Variants in CSMD1 observed in about 807,000 individuals in gnomAD.
CSMD1 encodes the protein CUB and sushi domain-containing protein 1.
A neutral mutation model predicts 417.5 loss-of-function variants in CSMD1; 213 were observed. That is an observed-to-expected ratio of 0.51 (90% confidence interval 0.46 to 0.57). The LOEUF is 0.57. Among genes scored for constraint, CSMD1 ranks in the 20% least tolerant of loss-of-function variants. The pLI is 0.00. For missense variants in CSMD1, 6,923 were observed against 4,529.7 expected (o/e 1.53, Z -15.17); for synonymous variants, 2,862 against 1,736.8 (o/e 1.65, Z -16.11).
intron 1 of CSMD1, among the ~76,000 whole-genome samples, chr8:4,803,338 G>A (rs373123849): frequency 6.6e-5 from 10 of 152,168 alleles, no homozygotes; most frequent in African/African-American, 1.4e-4. Flanking sequence ...ATAAGCCTTC[G>A]AAATATAAAA....
chr8:4,442,958 C>G (rs890225434), intron 2 of CSMD1, among the ~76,000 whole-genome samples: 2 of 152,060 alleles, frequency 1.3e-5, no homozygotes, highest in Admixed American at 6.6e-5. Context: ...TCTACAGCAC[C>G]ACAGGTATCT....
chr8:4,957,186 C>T (rs969210080), intron 1 of CSMD1, among the ~76,000 whole-genome samples: 1 of 152,186 alleles, frequency 6.6e-6, no homozygotes, highest in African/African-American at 2.4e-5. Flanking sequence ...AAACACTGAC[C>T]TGTAGACCTA....
intron 1 of CSMD1, among the ~76,000 whole-genome samples, chr8:4,961,668 T>C (rs1265798655): frequency 2.0e-5 from 3 of 152,148 alleles, no homozygotes; most frequent in East Asian, 1.9e-4. Flanking sequence ...CTACAAGTTG[T>C]ATAGAGTAAT....
intron 5 of CSMD1, among the ~76,000 whole-genome samples, chr8:3,759,765 A>G (rs904737637): frequency 1.1e-4 from 16 of 149,860 alleles, no homozygotes; most frequent in Non-Finnish European, 2.1e-4. Flanking sequence ...AAAATTAGCC[A>G]GACATGGTGG....
At chr8:3,561,927 T>C (rs7816336) in intron 10 of CSMD1, among the ~76,000 whole-genome samples, 122,200 of 151,956 alleles carry the variant, frequency 0.8, 49,822 homozygotes, top group Middle Eastern at 0.88. Context: ...AAGCGAGGGA[T>C]GCAGATGATC....
chr8:4,946,978 A>C (rs1808412509), intron 1 of CSMD1, among the ~76,000 whole-genome samples: 1 of 152,244 alleles, frequency 6.6e-6, no homozygotes, highest in South Asian at 2.1e-4. Flanking sequence ...TTGAGGAGTC[A>C]GTAATCAATG....
intron 17 of CSMD1, among the ~76,000 whole-genome samples, chr8:3,393,589 C>T (rs1010006528): frequency 3.3e-5 from 5 of 151,946 alleles, no homozygotes; most frequent in East Asian, 1.9e-4. Context: ...GGAAACAACC[C>T]AAATGCCTAA....
chr8:4,899,053 C>T (rs1804691059), intron 1 of CSMD1, among the ~76,000 whole-genome samples: 1 of 152,086 alleles, frequency 6.6e-6, no homozygotes. Flanking sequence ...ACAGCTTGAT[C>T]ATTTAAAATG....
At chr8:4,117,909 A>C (rs182120810) in intron 3 of CSMD1, among the ~76,000 whole-genome samples, 1 of 150,240 alleles carries the variant, frequency 6.7e-6, no homozygotes, top group Admixed American at 6.7e-5. Context: ...ATTTAAAACT[A>C]GAGAAAGAAA....
chr8:3,179,227 G>A (rs919604022), intron 37 of CSMD1, among the ~76,000 whole-genome samples: 16 of 152,156 alleles, frequency 1.1e-4, no homozygotes, highest in East Asian at 3.9e-4. Flanking sequence ...TTACAGGCGT[G>A]AGCCACCGCG....
At chr8:3,541,780 G>C (rs28455993) in intron 10 of CSMD1, among the ~76,000 whole-genome samples, 5,980 of 150,666 alleles carry the variant, frequency 0.04, 348 homozygotes, top group African/African-American at 0.12. Flanking sequence ...AACTACAGCT[G>C]TTCTTTTTAA....
At chr8:3,602,157 G>A (rs902596348) in intron 8 of CSMD1, among the ~76,000 whole-genome samples, 3 of 152,140 alleles carry the variant, frequency 2.0e-5, no homozygotes, top group Non-Finnish European at 2.9e-5. Context: ...TATATTATGT[G>A]GATTTTATCA....
At chr8:4,394,007 T>C (rs985351801) in intron 3 of CSMD1, among the ~76,000 whole-genome samples, 1 of 152,220 alleles carries the variant, frequency 6.6e-6, no homozygotes, top group African/African-American at 2.4e-5. Flanking sequence ...AACACATATA[T>C]AGCATGGCTG....
At chr8:3,099,506 C>T (rs1181690701) in intron 46 of CSMD1, among the ~76,000 whole-genome samples, 4 of 152,158 alleles carry the variant, frequency 2.6e-5, no homozygotes, top group Admixed American at 6.5e-5. Context: ...TACCAGAGGG[C>T]GTTTCATTTT....
In CSMD1 at chr8:3,257,676, A is replaced by T. The variant is rs917976635; in HGVS notation, c.4153+26468T>A. 3.3e-5 allele frequency among the ~76,000 whole-genome samples: 5 copies of T among 152,146 alleles called. No individual in the cohort carries two copies. The East Asian group carries it at 9.7e-4, about 29-fold the overall frequency. ...GGGGCCAAGGCTACTGAGAAGGAGA[A>T]CTGAAGTTTCTATCAAAGACCCTAA... is the stretch of plus-strand genomic sequence containing the variant. On this transcript the variant is annotated intron_variant, in intron 26 of 69. Transcript: ENST00000635120.
At chr8:3,007,229 A>C (rs1807996696) in intron 52 of CSMD1, among the ~76,000 whole-genome samples, 1 of 150,776 alleles carries the variant, frequency 6.6e-6, no homozygotes, top group Non-Finnish European at 1.5e-5. Context: ...ATGAGATACC[A>C]TCTCACACCA....
intron 3 of CSMD1, among the ~76,000 whole-genome samples, chr8:4,371,757 C>T (rs559371651): frequency 2.6e-4 from 39 of 152,222 alleles, no homozygotes; most frequent in African/African-American, 7.9e-4. Flanking sequence ...AAGGTCTTTA[C>T]GGTTACATAA....
At chr8:3,614,313 G>A (rs928002485) in intron 8 of CSMD1, among the ~76,000 whole-genome samples, 2 of 151,752 alleles carry the variant, frequency 1.3e-5, no homozygotes, top group African/African-American at 4.8e-5. Context: ...TCCCTGACGG[G>A]CTATACGTCT....
At chr8:3,783,866 G>C (rs774695047) in intron 5 of CSMD1, among the ~76,000 whole-genome samples, 7 of 152,132 alleles carry the variant, frequency 4.6e-5, no homozygotes, top group Admixed American at 2.6e-4. Context: ...TTCACCTCAG[G>C]AGCACATGAA....
Sources: allele counts gnomAD v4.1 joint callset (sites outside exome capture counted in the v4.1 genomes callset), GRCh38; gene constraint gnomAD v4.1.1; transcripts MANE v1.5; gene names NCBI Gene and HGNC (gene_info 2026-07-23, HGNC 2026-07-21).